Variants in FER observed in about 807,000 individuals in gnomAD.
FER encodes the protein tyrosine-protein kinase Fer.
A neutral mutation model predicts 111.0 loss-of-function variants in FER; 63 were observed. That is an observed-to-expected ratio of 0.57 (90% confidence interval 0.46 to 0.70). The LOEUF is 0.70. Ranked by LOEUF, FER falls within the 30% of genes least tolerant of loss-of-function variation. The pLI is 0.00. For missense variants in FER, 914 were observed against 954.0 expected (o/e 0.96, Z 0.55); for synonymous variants, 327 against 313.9 (o/e 1.04, Z -0.44).
intron 13 of FER, among the ~76,000 whole-genome samples, chr5:109,008,118 GATTAAAATT>G (rs1765733033): frequency 6.6e-6 from 1 of 152,062 alleles, no homozygotes; most frequent in African/African-American, 2.4e-5. Flanking sequence ...CAAACTAGTG[GATTAAAATT>G]ATAATCTTGT....
At chr5:108,839,832 C>G (rs1761079063) in intron 5 of FER, among the ~76,000 whole-genome samples, 1 of 152,056 alleles carries the variant, frequency 6.6e-6, no homozygotes, top group South Asian at 2.1e-4. Flanking sequence ...CTGCCTTCGC[C>G]TCCCAAACTG....
At position 109,189,476 on chromosome 5, in the gene FER, T is replaced by TAACA. The variant is rs1455788698; in HGVS notation, c.*1902_*1905dup. On this transcript the variant is annotated 3_prime_UTR_variant, in exon 20 of 20. Coordinates refer to ENST00000281092, the MANE Select transcript of FER (RefSeq NM_005246.4). ...ACTGAAGAGAAAAGTGACTTGTATC[T>TAACA]AACATTTCAATCTCCTTGCAGATTT... 4 of 152,188 alleles carry TAACA rather than the reference T, an allele frequency of 2.6e-5. No individual in the cohort carries two copies. Among genetic ancestry groups the TAACA allele is most frequent in the Non-Finnish European group, 4.4e-5 (3 of 68,040 alleles). The allele number at this position is 152,188 out of a possible 1,614,324, so 9.4% of individuals were successfully genotyped here. A position where few individuals can be genotyped will look rare whatever the true frequency, so the allele number is the denominator to read the frequency against.
chr5:109,128,347 A>G (rs1489481863), intron 17 of FER, among the ~76,000 whole-genome samples: 1 of 152,112 alleles, frequency 6.6e-6, no homozygotes, highest in Non-Finnish European at 1.5e-5. Flanking sequence ...CATACTATAA[A>G]TATTTATGAC....
At chr5:109,182,915 C>T (rs896689663) in intron 18 of FER, among the ~76,000 whole-genome samples, 2 of 152,080 alleles carry the variant, frequency 1.3e-5, no homozygotes, top group Non-Finnish European at 1.5e-5. Flanking sequence ...AATCATGGCT[C>T]ACTGCAACCT....
At chr5:109,163,427 A>G (rs1015264088) in intron 17 of FER, among the ~76,000 whole-genome samples, 1 of 152,122 alleles carries the variant, frequency 6.6e-6, no homozygotes, top group African/African-American at 2.4e-5. Context: ...GGTTCTATGG[A>G]AAAAAATTAC....
chr5:109,024,967 C>T (rs890255619), intron 13 of FER, among the ~76,000 whole-genome samples: 1 of 151,194 alleles, frequency 6.6e-6, no homozygotes, highest in Non-Finnish European at 1.5e-5. Flanking sequence ...CTGTTCTGTT[C>T]CATTGATCTA....
At chr5:108,835,844 T>C (rs1309267504) in intron 5 of FER, 37 bp downstream of exon 5, 1 of 1,160,022 alleles carries the variant, frequency 8.6e-7, no homozygotes, top group Non-Finnish European at 1.2e-6. Flanking sequence ...ACTTAGGTGA[T>C]TTTTATTCTT....
chr5:109,121,215 A>G (rs1290749794), intron 17 of FER, among the ~76,000 whole-genome samples: 1 of 152,166 alleles, frequency 6.6e-6, no homozygotes, highest in Non-Finnish European at 1.5e-5. Context: ...ATTCAGTATT[A>G]TACTAGCAGT....
intron 5 of FER, among the ~76,000 whole-genome samples, chr5:108,858,689 A>G (rs1763226137): frequency 2.0e-5 from 3 of 151,578 alleles, no homozygotes; most frequent in African/African-American, 7.3e-5. Context: ...CGATTATATA[A>G]TATTCTTTTT....
At chr5:108,910,328 C>G (rs1392928974) in intron 10 of FER, among the ~76,000 whole-genome samples, 3 of 152,156 alleles carry the variant, frequency 2.0e-5, no homozygotes, top group Non-Finnish European at 4.4e-5. Context: ...TTTAAAATTT[C>G]ACATCAGCCA....
intron 1 of FER, among the ~76,000 whole-genome samples, chr5:108,762,311 A>T (rs1445555319): frequency 6.6e-6 from 1 of 152,082 alleles, no homozygotes; most frequent in East Asian, 1.9e-4. Context: ...GTTATCCTTG[A>T]TTCTTTTCCT....
At chr5:108,775,140 G>GA (rs2149979458) in intron 2 of FER, among the ~76,000 whole-genome samples, 1 of 152,136 alleles carries the variant, frequency 6.6e-6, no homozygotes, top group African/African-American at 2.4e-5. Context: ...ACCATTTATT[G>GA]ACTAGGAGAT....
At chr5:109,037,372 G>A (rs760591279) in intron 13 of FER, 50 bp from the exon 14 acceptor site, 1 of 1,515,438 alleles carries the variant, frequency 6.6e-7, no homozygotes, top group Non-Finnish European at 9.1e-7. Context: ...GCAACTTCAA[G>A]AAGTGTACCC....
chr5:109,052,454 G>A (rs2227874), intron 16 of FER: 3 of 1,210,992 alleles, frequency 2.5e-6, no homozygotes, highest in African/African-American at 1.5e-5. Flanking sequence ...CTCCAGTCAC[G>A]CATGTTGCCT....
chr5:109,149,913 T>TTACCGCCTGAGCTC (rs1296996011), intron 17 of FER, among the ~76,000 whole-genome samples: 1 of 152,052 alleles, frequency 6.6e-6, no homozygotes, highest in Non-Finnish European at 1.5e-5. Context: ...CCAGGGAGCA[T>TTACCGCCTGAGCTC]TACCGCCTGA....
At position 109,174,933 on chromosome 5, in the gene FER, AC is replaced by A. The variant is rs1757520533; in HGVS notation, c.2049-5812del. Among the ~76,000 whole-genome samples the A allele has an allele frequency of 2.0e-5, 3 of 152,250 alleles. No individual in the cohort carries two copies. The South Asian group carries it at 6.2e-4, about 32-fold the overall frequency. On this transcript the variant is annotated intron_variant, in intron 17 of 19. Coordinates refer to ENST00000281092, the MANE Select transcript of FER (RefSeq NM_005246.4). ...CTTTCCTCCGCTTACGGGCTTTGTG[AC>A]CTTGGGCAAGTTGATTAGCTTCCTG...
chr5:108,859,920 C>CTATTACTATTAT (rs1554080420), intron 5 of FER, among the ~76,000 whole-genome samples: 4 of 141,598 alleles, frequency 2.8e-5, no homozygotes, highest in Non-Finnish European at 6.1e-5. Flanking sequence ...ATGTATATAC[C>CTATTACTATTAT]TATTATTATT....
chr5:109,036,200 C>G (rs1456921665), intron 13 of FER, among the ~76,000 whole-genome samples: 1 of 151,938 alleles, frequency 6.6e-6, no homozygotes, highest in Admixed American at 6.6e-5. Flanking sequence ...TTTTTTTGTG[C>G]TTCTCTAAGA....
chr5:109,012,809 A>C (rs57221554), intron 13 of FER, among the ~76,000 whole-genome samples: 26,616 of 149,376 alleles, frequency 0.18, 2,576 homozygotes, highest in Non-Finnish European at 0.22. Context: ...AAAAAAAATC[A>C]ATGACTATAA....
Sources: allele counts gnomAD v4.1 joint callset (sites outside exome capture counted in the v4.1 genomes callset), GRCh38; gene constraint gnomAD v4.1.1; transcripts MANE v1.5; gene names NCBI Gene and HGNC (gene_info 2026-07-23, HGNC 2026-07-21).